PARD3: variants seen among roughly 807,000 people sequenced by gnomAD.
PARD3 encodes partitioning defective 3 homolog.
PARD3 carries 75 observed loss-of-function variants against 155.4 expected under a neutral mutation model. The observed-to-expected ratio is 0.48, with a 90% CI of 0.40 to 0.58. The LOEUF is 0.58. Ranked by LOEUF, PARD3 falls within the 20% of genes least tolerant of loss-of-function variation. PARD3 has a pLI of 0.00. For missense variants in PARD3, 1,642 were observed against 1,721.7 expected, an observed-to-expected ratio of 0.95 and a Z score of 0.82; for synonymous variants, 576 against 610.5, an observed-to-expected ratio of 0.94 and a Z score of 0.83.
chr10:34,414,240 G>A (rs927824932), intron 5 of PARD3, among the ~76,000 whole-genome samples: 2 of 151,754 alleles, frequency 1.3e-5, no homozygotes, highest in African/African-American at 4.8e-5. Context: ...AAAAGGGAGG[G>A]GGGAGAAACA....
chr10:34,353,382 T>C (rs1838403898), intron 14 of PARD3, among the ~76,000 whole-genome samples: 1 of 152,220 alleles, frequency 6.6e-6, no homozygotes, highest in Admixed American at 6.5e-5. Flanking sequence ...GAAAAATTCT[T>C]CTGCCTTGGG....
At chr10:34,301,409 T>G (rs1332501090) in intron 20 of PARD3, among the ~76,000 whole-genome samples, 1 of 152,146 alleles carries the variant, frequency 6.6e-6, no homozygotes, top group Non-Finnish European at 1.5e-5. Context: ...TTGGTTTTCC[T>G]CCTCTCTCTG....
chr10:34,370,126 T>C (rs1840429813), intron 12 of PARD3, among the ~76,000 whole-genome samples: 1 of 152,138 alleles, frequency 6.6e-6, no homozygotes, highest in African/African-American at 2.4e-5. Context: ...AGAGCACGCA[T>C]AAAAAATTAA....
In PARD3 at chr10:34,815,050, C is replaced by A. The variant is rs1844737995; in HGVS notation, c.-55G>T. On this transcript the variant is annotated 5_prime_UTR_variant, in exon 1 of 25. Coordinates refer to ENST00000374788, the MANE Select transcript of PARD3 (RefSeq NM_001184785.2). ...CCTCGCCGAGCGCAGCCGGAGCAGC[C>A]GAGGCCGGGACCGAGGACGCTGGGC... 1.2e-5 allele frequency: 15 copies of A among 1,270,870 alleles called. No homozygotes were observed. The highest frequency in any genetic ancestry group is 1.4e-5 in the Non-Finnish European group (14 of 999,512). 78.7% of individuals were successfully genotyped at this position (1,270,870 alleles called of 1,614,324 possible).
intron 1 of PARD3, among the ~76,000 whole-genome samples, chr10:34,727,829 C>CAT (rs1157245713): frequency 6.6e-6 from 1 of 150,908 alleles, no homozygotes; most frequent in Non-Finnish European, 1.5e-5. Context: ...CACACACACA[C>CAT]ACACGCACGC....
chr10:34,281,942 G>T (rs951731219), intron 21 of PARD3, among the ~76,000 whole-genome samples: 1 of 152,082 alleles, frequency 6.6e-6, no homozygotes, highest in Admixed American at 6.6e-5. Context: ...GGGAAAGGTT[G>T]TAAGGAGAAT....
At chr10:34,661,674 C>T (rs951733755) in intron 2 of PARD3, among the ~76,000 whole-genome samples, 2 of 152,194 alleles carry the variant, frequency 1.3e-5, no homozygotes, top group African/African-American at 4.8e-5. Flanking sequence ...TTGGGCCTGG[C>T]TATGGTCCAT....
intron 2 of PARD3, among the ~76,000 whole-genome samples, chr10:34,597,278 TTTTTTTG>T (rs2089361363): frequency 1.3e-5 from 2 of 151,264 alleles, no homozygotes; most frequent in African/African-American, 4.9e-5. Context: ...TTTTAGCGCT[TTTTTTTG>T]TTTTTGTTTA....
intron 15 of PARD3, chr10:34,344,012 C>G (rs993544575): frequency 1.3e-5 from 13 of 978,696 alleles, no homozygotes; most frequent in African/African-American, 5.3e-5. Flanking sequence ...AAATTGCTAA[C>G]AAGATAAAAA....
chr10:34,382,926 G>C lies in PARD3; in HGVS notation c.1017-4C>G, dbSNP rs370328208. ...TTGGCGAAACATATGTTGTGCTCTG[G>C]GTTTGAGAAAGAATAGAAAATTAGC... On this transcript the variant is annotated splice_polypyrimidine_tract_variant and splice_region_variant and intron_variant, in intron 8 of 24. Transcript: ENST00000374788. 18 of 1,611,514 alleles carry C rather than the reference G, an allele frequency of 1.1e-5. No homozygotes were observed. Among genetic ancestry groups the C allele is most frequent in the Non-Finnish European group, 1.5e-5 (18 of 1,179,350 alleles).
At chr10:34,207,743 C>T (rs890262996) in intron 22 of PARD3, among the ~76,000 whole-genome samples, 9 of 152,124 alleles carry the variant, frequency 5.9e-5, no homozygotes, top group Middle Eastern at 3.2e-3. Context: ...CCAAGAGTTT[C>T]GTTTTAAATC....
chr10:34,336,168 C>T, intron 18 of PARD3, 31 bp downstream of exon 18: 1 of 1,580,524 alleles, frequency 6.3e-7, no homozygotes, highest in Non-Finnish European at 8.7e-7. Context: ...GCCATCGTTT[C>T]TATGGCAACA....
chr10:34,260,425 A>C (rs1318976798), intron 22 of PARD3, among the ~76,000 whole-genome samples: 1 of 152,210 alleles, frequency 6.6e-6, no homozygotes, highest in Non-Finnish European at 1.5e-5. Context: ...AAGACTGTTT[A>C]GAGAGCTGGC....
At chr10:34,224,751 G>A (rs1354456794) in intron 22 of PARD3, among the ~76,000 whole-genome samples, 1 of 152,176 alleles carries the variant, frequency 6.6e-6, no homozygotes. Context: ...CTGGTCGCGT[G>A]TCTGCTGTCA....
chr10:34,268,271 A>G (rs1955431987), intron 22 of PARD3, among the ~76,000 whole-genome samples: 2 of 152,102 alleles, frequency 1.3e-5, no homozygotes, highest in Admixed American at 1.3e-4. Context: ...TTAAAAAGTC[A>G]GGAAACAACA....
chr10:34,272,212 A>G (rs2133868288), intron 21 of PARD3, among the ~76,000 whole-genome samples: 1 of 152,334 alleles, frequency 6.6e-6, no homozygotes, highest in South Asian at 2.1e-4. Context: ...AACTTAAGAA[A>G]AAATGTAAGG....
At chr10:34,182,175 CACAG>C (rs1437223089) in intron 22 of PARD3, among the ~76,000 whole-genome samples, 1 of 152,170 alleles carries the variant, frequency 6.6e-6, no homozygotes, top group African/African-American at 2.4e-5. Flanking sequence ...ATTGATGGTC[CACAG>C]ACCAGACAGA....
At chr10:34,155,785 A>ATGCT (rs1480393572) in intron 22 of PARD3, among the ~76,000 whole-genome samples, 3 of 151,930 alleles carry the variant, frequency 2.0e-5, no homozygotes, top group Non-Finnish European at 4.4e-5. Flanking sequence ...ACAGTGAAGC[A>ATGCT]GTACTGACCA....
chr10:34,201,127 T>C (rs1951190151), intron 22 of PARD3, among the ~76,000 whole-genome samples: 1 of 152,198 alleles, frequency 6.6e-6, no homozygotes, highest in Admixed American at 6.5e-5. Flanking sequence ...CAATCCCATC[T>C]CTATCACCAT....
Sources: gnomAD v4.1 joint callset for allele counts (sites outside exome capture counted in the v4.1 genomes callset) on GRCh38, gnomAD v4.1.1 for gene constraint, MANE v1.5 for transcripts, NCBI Gene and HGNC (gene_info 2026-07-23, HGNC 2026-07-21) for gene names.